The following LMX1A variants were observed in gnomAD, a reference collection of about 807,000 sequenced individuals.
LMX1A encodes LIM homeobox transcription factor 1 alpha, also known as LIM homeobox transcription factor 1-alpha.
LMX1A carries 15 observed loss-of-function variants against 49.1 expected under a neutral mutation model. That is an observed-to-expected ratio of 0.31 (90% confidence interval 0.20 to 0.47). The LOEUF (loss-of-function observed/expected upper bound fraction) is 0.47, where lower values mean the gene tolerates loss of function less well. Among genes scored for constraint, LMX1A ranks in the 20% least tolerant of loss-of-function variants. The pLI is 1.00. For synonymous variants in LMX1A, 167 were observed against 185.7 expected (o/e 0.90, Z 0.82); for missense variants, 372 against 475.8 (o/e 0.78, Z 2.03).
intron 3 of LMX1A, among the ~76,000 whole-genome samples, chr1:165,309,347 C>T (rs1179444891): frequency 2.6e-5 from 4 of 152,200 alleles, no homozygotes; most frequent in Non-Finnish European, 4.4e-5. Context: ...AGGGAAGGCA[C>T]CTCTGCCTAG....
chr1:165,278,958 G>A (rs1297009913), intron 3 of LMX1A, among the ~76,000 whole-genome samples: 1 of 152,178 alleles, frequency 6.6e-6, no homozygotes, highest in Non-Finnish European at 1.5e-5. Flanking sequence ...GGGAACCTCA[G>A]CCCAGGAGGG....
chr1:165,284,331 A>T (rs565782136), intron 3 of LMX1A, among the ~76,000 whole-genome samples: 15 of 152,362 alleles, frequency 9.8e-5, no homozygotes, highest in African/African-American at 3.4e-4. Context: ...AAATCTACCT[A>T]ATTATTGATT....
intron 3 of LMX1A, among the ~76,000 whole-genome samples, chr1:165,261,794 T>C (rs1369678439): frequency 6.6e-6 from 1 of 152,110 alleles, no homozygotes; most frequent in African/African-American, 2.4e-5. Flanking sequence ...ACAAATACAG[T>C]ATGATGGTAC....
intron 4 of LMX1A, among the ~76,000 whole-genome samples, chr1:165,223,593 A>G (rs975856965): frequency 1.3e-4 from 20 of 152,232 alleles, no homozygotes; most frequent in African/African-American, 3.9e-4. Context: ...CTGTGCTAAC[A>G]GGGAGGTCCA....
In LMX1A at chr1:165,287,496, C is replaced by A. The variant is rs955287553; in HGVS notation, c.264-37856G>T. 1.4e-4 allele frequency among the ~76,000 whole-genome samples: 21 copies of A among 152,076 alleles called. 1 individual carries two copies. Among genetic ancestry groups the A allele is most frequent in the Non-Finnish European group, 5.9e-5 (4 of 67,994 alleles). On this transcript the variant is annotated intron_variant, in intron 3 of 8. Coordinates refer to ENST00000342310, the MANE Select transcript of LMX1A (RefSeq NM_177398.4). The stretch of plus-strand genomic sequence containing the variant: ...TCAGGGTGAGTTACAACTGTGAATT[C>A]TTTTGTTCCTTTGTGTCCCAGAGCA...
At chr1:165,334,732 G>A (rs758365923) in intron 3 of LMX1A, among the ~76,000 whole-genome samples, 1 of 152,230 alleles carries the variant, frequency 6.6e-6, no homozygotes, top group Non-Finnish European at 1.5e-5. Context: ...CACCCAGCAA[G>A]TCTATAACTG....
intron 3 of LMX1A, among the ~76,000 whole-genome samples, chr1:165,293,387 C>A (rs1476456697): frequency 1.3e-5 from 2 of 152,192 alleles, no homozygotes; most frequent in Non-Finnish European, 2.9e-5. Context: ...AGTAGCAACA[C>A]CCCTGTGAGC....
At chr1:165,312,478 G>T (rs1465144543) in intron 3 of LMX1A, among the ~76,000 whole-genome samples, 1 of 151,664 alleles carries the variant, frequency 6.6e-6, no homozygotes, top group Admixed American at 6.6e-5. Flanking sequence ...AGTCTAGCTG[G>T]GCTCTATGAC....
At chr1:165,329,943 C>T (rs1655697736) in intron 3 of LMX1A, among the ~76,000 whole-genome samples, 1 of 152,176 alleles carries the variant, frequency 6.6e-6, no homozygotes, top group Admixed American at 6.5e-5. Flanking sequence ...CTGGCTCTGC[C>T]ACTCATTAGC....
chr1:165,334,901 G>T (rs777752416), intron 3 of LMX1A, among the ~76,000 whole-genome samples: 3 of 148,896 alleles, frequency 2.0e-5, no homozygotes, highest in Non-Finnish European at 3.0e-5. Flanking sequence ...GTCTCAGGAG[G>T]TCTAGAGTCA....
At chr1:165,241,298 G>C (rs1448634329) in intron 4 of LMX1A, among the ~76,000 whole-genome samples, 1 of 152,212 alleles carries the variant, frequency 6.6e-6, no homozygotes, top group Non-Finnish European at 1.5e-5. Flanking sequence ...CTTGCAAAAT[G>C]ATGGATCTTT....
Position 165,248,642 on chromosome 1 carries a change from G to A in LMX1A, c.496+766C>T, listed in dbSNP as rs537954286. Among the ~76,000 whole-genome samples the A allele has an allele frequency of 3.3e-5, 5 of 152,254 alleles. No individual in the cohort carries two copies. In the South Asian group the frequency reaches 8.3e-4, roughly 25 times the overall value. On this transcript the variant is annotated intron_variant, in intron 4 of 8. Transcript: ENST00000342310. ...CGAGCGGGTGGTGAGGAGAAAGAAC[G>A]AAATCATTCTAGTGCCTTTCTTTAT...
Position 165,341,364 on chromosome 1 carries a change from A to T in LMX1A, c.263+11712T>A, listed in dbSNP as rs140207302. Among the ~76,000 whole-genome samples the T allele has an allele frequency of 2.8e-4, 42 of 151,370 alleles. No individual in the cohort carries two copies. The East Asian group carries it at 7.4e-3, about 27-fold the overall frequency. On this transcript the variant is annotated intron_variant, in intron 3 of 8. Transcript: ENST00000342310. ...CTCCCATCATCTCCTCTTTTCCTAC[A>T]CTCCCACTCATCCTGCAAGAGCCAG... is the stretch of plus-strand genomic sequence containing the variant.
intron 3 of LMX1A, among the ~76,000 whole-genome samples, chr1:165,250,439 A>G (rs1653016150): frequency 1.3e-5 from 2 of 152,210 alleles, no homozygotes; most frequent in Admixed American, 1.3e-4. Flanking sequence ...ATCAGCATAT[A>G]AAAGGATGTG....
intron 3 of LMX1A, among the ~76,000 whole-genome samples, chr1:165,264,251 C>A (rs1653545038): frequency 1.3e-5 from 2 of 152,002 alleles, no homozygotes; most frequent in Non-Finnish European, 2.9e-5. Flanking sequence ...ATCTTGGATG[C>A]CTTTCATATG....
chr1:165,211,322 AACCC>A (rs1651381076), intron 5 of LMX1A: 1 of 152,280 alleles, frequency 6.6e-6, no homozygotes, highest in African/African-American at 2.4e-5. Flanking sequence ...AGCCATCTGG[AACCC>A]GGCAGAGCCA....
chr1:165,343,016 C>A (rs1656121780), intron 3 of LMX1A, among the ~76,000 whole-genome samples: 1 of 152,152 alleles, frequency 6.6e-6, no homozygotes, highest in Non-Finnish European at 1.5e-5. Context: ...GAAAACCTCT[C>A]CTTACCTAAC....
At chr1:165,239,129 C>T (rs1024939997) in intron 4 of LMX1A, among the ~76,000 whole-genome samples, 1 of 152,068 alleles carries the variant, frequency 6.6e-6, no homozygotes, top group Non-Finnish European at 1.5e-5. Context: ...AGAGGTGGAG[C>T]AGGAGAAATG....
chr1:165,222,416 C>T (rs1651884591), intron 4 of LMX1A, among the ~76,000 whole-genome samples: 1 of 152,166 alleles, frequency 6.6e-6, no homozygotes, highest in Non-Finnish European at 1.5e-5. Context: ...TGGGAAGTAA[C>T]TTAAGTGGAT....
Sources: gnomAD v4.1 joint callset for allele counts (sites outside exome capture counted in the v4.1 genomes callset) on GRCh38, gnomAD v4.1.1 for gene constraint, MANE v1.5 for transcripts, NCBI Gene and HGNC (gene_info 2026-07-23, HGNC 2026-07-21) for gene names.